Variants in THRB observed in about 807,000 individuals in gnomAD.
THRB encodes thyroid hormone receptor beta.
Under a neutral mutation model 47.8 loss-of-function variants are expected in THRB, and 12 were observed. That is an observed-to-expected ratio of 0.25 (90% CI 0.16 to 0.41). The LOEUF (loss-of-function observed/expected upper bound fraction) is 0.41, where lower values mean the gene tolerates loss of function less well. Ranked by LOEUF, THRB falls within the 10% of genes least tolerant of loss-of-function variation. THRB has a pLI of 1.00. For missense variants in THRB, 348 were observed against 589.2 expected (o/e 0.59, Z 4.24); for synonymous variants, 218 against 212.2 (o/e 1.03, Z -0.24).
rs538938182 is a variant in THRB at position 24,317,515 on chromosome 3, C to T, written c.-189+19785G>A. ...CCTCCAATAAAAAGAGAGATGCTAA[C>T]ACCAAGAACATTACTCAATCCCATA... is the stretch of plus-strand genomic sequence containing the variant. On this transcript the variant is annotated intron_variant, in intron 2 of 10. Transcript: ENST00000646209. Among the ~76,000 whole-genome samples, 90 of 152,222 alleles carry T rather than the reference C, an allele frequency of 5.9e-4. 1 individual carries two copies. The highest frequency in any genetic ancestry group is 1.2e-3 in the Admixed American group (18 of 15,284).
chr3:24,487,916 G>GA (rs772318267), intron 1 of THRB, among the ~76,000 whole-genome samples: 2 of 152,240 alleles, frequency 1.3e-5, no homozygotes, highest in Non-Finnish European at 1.5e-5. Flanking sequence ...GATGAAATCA[G>GA]AAAAAACAGA....
intron 4 of THRB, among the ~76,000 whole-genome samples, chr3:24,227,979 A>G (rs2047844137): frequency 6.6e-6 from 1 of 152,212 alleles, no homozygotes; most frequent in Non-Finnish European, 1.5e-5. Flanking sequence ...AAATTTTTAT[A>G]AGTTATTTGC....
At chr3:24,174,775 A>G (rs1232157117) in intron 5 of THRB, among the ~76,000 whole-genome samples, 1 of 152,174 alleles carries the variant, frequency 6.6e-6, no homozygotes, top group African/African-American at 2.4e-5. Flanking sequence ...TATAGATTAT[A>G]TCATTTAAGC....
chr3:24,452,932 C>T (rs2072808422), intron 1 of THRB, among the ~76,000 whole-genome samples: 1 of 149,538 alleles, frequency 6.7e-6, no homozygotes, highest in Non-Finnish European at 1.5e-5. Flanking sequence ...AATACCAGCT[C>T]TATCTCTGGC....
intron 1 of THRB, among the ~76,000 whole-genome samples, chr3:24,422,361 T>G (rs1258960865): frequency 1.3e-5 from 2 of 151,850 alleles, no homozygotes; most frequent in Admixed American, 1.3e-4. Flanking sequence ...GGTGCAATAA[T>G]TATGGGAGAG....
chr3:24,151,624 T>C (rs2036954624), intron 6 of THRB, among the ~76,000 whole-genome samples: 1 of 152,202 alleles, frequency 6.6e-6, no homozygotes, highest in African/African-American at 2.4e-5. Context: ...GGTCAAGCTT[T>C]TTCCTTTATG....
At chr3:24,310,046 T>G (rs1657341171) in intron 2 of THRB, among the ~76,000 whole-genome samples, 1 of 152,272 alleles carries the variant, frequency 6.6e-6, no homozygotes, top group Admixed American at 6.5e-5. Flanking sequence ...GTGGGCTTGC[T>G]ACCCTAAATG....
chr3:24,202,578 T>G (rs943095224), intron 4 of THRB, among the ~76,000 whole-genome samples: 21 of 152,212 alleles, frequency 1.4e-4, no homozygotes, highest in Non-Finnish European at 1.5e-5. Flanking sequence ...AGAATCAATT[T>G]GTTTCTTAGC....
intron 3 of THRB, among the ~76,000 whole-genome samples, chr3:24,285,705 C>G (rs1053504150): frequency 3.3e-5 from 5 of 152,000 alleles, no homozygotes; most frequent in Non-Finnish European, 5.9e-5. Flanking sequence ...ACTAAAATGC[C>G]CAAGAAAACA....
intron 1 of THRB, among the ~76,000 whole-genome samples, chr3:24,439,954 A>C (rs1048652440): frequency 3.3e-5 from 5 of 152,186 alleles, no homozygotes; most frequent in Non-Finnish European, 7.3e-5. Context: ...ACCCACATAG[A>C]TCAAAGGAGG....
chr3:24,274,703 G>C (rs2053720153), intron 3 of THRB, among the ~76,000 whole-genome samples: 1 of 152,108 alleles, frequency 6.6e-6, no homozygotes, highest in African/African-American at 2.4e-5. Flanking sequence ...GTGAAGGGAA[G>C]ATTCATCTTA....
intron 2 of THRB, among the ~76,000 whole-genome samples, chr3:24,307,550 T>C (rs186182838): frequency 1.3e-5 from 2 of 152,278 alleles, no homozygotes; most frequent in East Asian, 3.9e-4. Flanking sequence ...ATATTTAACA[T>C]TCTCCTATTG....
chr3:24,466,084 T>C (rs994843890), intron 1 of THRB, among the ~76,000 whole-genome samples: 2 of 152,178 alleles, frequency 1.3e-5, no homozygotes, highest in Admixed American at 6.5e-5. Flanking sequence ...GTATGGAGAA[T>C]AAGCAATCAG....
intron 1 of THRB, among the ~76,000 whole-genome samples, chr3:24,342,960 A>C (rs2062775743): frequency 6.6e-6 from 1 of 152,150 alleles, no homozygotes; most frequent in Admixed American, 6.5e-5. Context: ...ATGAGGCTGC[A>C]AAGGCAGAAA....
intron 1 of THRB, among the ~76,000 whole-genome samples, chr3:24,451,487 A>G (rs1233229474): frequency 2.0e-5 from 3 of 152,142 alleles, no homozygotes; most frequent in African/African-American, 7.2e-5. Flanking sequence ...CACCCGCCTC[A>G]GCCTCCCAAA....
chr3:24,455,085 C>T (rs1441406537), intron 1 of THRB: 1 of 135,278 alleles, frequency 7.4e-6, no homozygotes, highest in African/African-American at 2.7e-5. Context: ...TTGTATTAGT[C>T]ACTTTGGGAA....
intron 1 of THRB, among the ~76,000 whole-genome samples, chr3:24,448,291 C>T (rs1029099952): frequency 2.6e-5 from 4 of 152,038 alleles, no homozygotes; most frequent in South Asian, 2.1e-4. Flanking sequence ...CACATAGAAA[C>T]GCAATTCAGG....
intron 1 of THRB, chr3:24,430,007 A>T (rs1378751040): frequency 1.3e-5 from 2 of 152,078 alleles, no homozygotes; most frequent in Non-Finnish European, 2.9e-5. Flanking sequence ...GAGTAACAGA[A>T]CATGTTTGTC....
At chr3:24,294,427 C>G (rs1038066383) in intron 3 of THRB, among the ~76,000 whole-genome samples, 1 of 152,192 alleles carries the variant, frequency 6.6e-6, no homozygotes, top group Non-Finnish European at 1.5e-5. Flanking sequence ...CTCACCCAAC[C>G]TCCCTTAATG....
Sources: gnomAD v4.1 joint callset for allele counts (sites outside exome capture counted in the v4.1 genomes callset) on GRCh38, gnomAD v4.1.1 for gene constraint, MANE v1.5 for transcripts, NCBI Gene and HGNC (gene_info 2026-07-23, HGNC 2026-07-21) for gene names.